Variants in MSC observed in about 807,000 individuals in gnomAD.
MSC encodes the protein musculin, also known as activated B-cell factor 1, homolog of mouse musculin.
A neutral mutation model predicts 14.4 loss-of-function variants in MSC; 16 were observed. The observed-to-expected ratio is 1.11, with a 90% CI of 0.75 to 1.69. The LOEUF (loss-of-function observed/expected upper bound fraction) is 1.69. Among genes scored for constraint, MSC ranks in the 40% most tolerant of loss-of-function variants. The pLI is 0.00. For synonymous variants in MSC, 165 were observed against 128.5 expected, an observed-to-expected ratio of 1.28 and a Z score of -1.92; for missense variants, 320 against 288.1, an observed-to-expected ratio of 1.11 and a Z score of -0.80.
At position 71,842,699 on chromosome 8, in the gene MSC, C is replaced by G. The variant is rs768380440; in HGVS notation, c.583G>C (p.Val195Leu). 3.7e-6 allele frequency: 6 copies of G among 1,614,152 alleles called. No individual in the cohort carries two copies. The highest frequency in any genetic ancestry group is 4.2e-6 in the Non-Finnish European group (5 of 1,180,026). ...CCACATAGTCTGTTGGCTGCGGAAACTTCTTTGGTGTCAGAGTCCGGTCTT... is the reference window on the plus strand; with the variant it reads ...CCACATAGTCTGTTGGCTGCGGAAAGTTCTTTGGTGTCAGAGTCCGGTCTT... ...SGRPDSDTKE[V>L]SAANRLCGTT... The change falls in exon 2 of 2, where the codon GTT (valine) becomes CTT (leucine). Residue 195 changes from valine to leucine, a missense_variant. Transcript: ENST00000325509.
At chr8:71,843,198 A>T (rs1193697653) in intron 1 of MSC, 4 of 330,450 alleles carry the variant, frequency 1.2e-5, no homozygotes, top group Non-Finnish European at 2.3e-5. Flanking sequence ...GGGAAACGTT[A>T]CTATCTTCCA....
intron 1 of MSC, chr8:71,843,003 G>C: frequency 2.4e-6 from 1 of 423,114 alleles, no homozygotes; most frequent in Non-Finnish European, 4.4e-6. Flanking sequence ...ATCTGACTTT[G>C]AGGTTCTGTC....
intron 1 of MSC, 92 bp from the exon 2 acceptor site, chr8:71,842,839 T>TG (rs1209610603): frequency 1.8e-6 from 2 of 1,089,006 alleles, no homozygotes; most frequent in African/African-American, 3.1e-5. Context: ...ATTCCTGACT[T>TG]GGAGTAGCTA....
At position 71,841,720 on chromosome 8, in the gene MSC, G is replaced by C. The variant is rs1807382703; in HGVS notation, c.*941C>G. Reference sequence around the variant, plus strand: ...CCTGCGCGCTCCTCCGCGCGGGGAAGAACCTGCGCGGCAGGACGTGGTGTT... The same window carrying C: ...CCTGCGCGCTCCTCCGCGCGGGGAACAACCTGCGCGGCAGGACGTGGTGTT... On this transcript the variant is annotated 3_prime_UTR_variant, in exon 2 of 2. Transcript: ENST00000325509. 1 of 152,376 alleles carries C rather than the reference G, an allele frequency of 6.6e-6. No individual in the cohort carries two copies. Among genetic ancestry groups the C allele is most frequent in the African/African-American group, 2.4e-5 (1 of 41,476 alleles). 9.4% of individuals were successfully genotyped at this position (152,376 alleles called of 1,614,324 possible).
In MSC at chr8:71,843,713, T is replaced by A; in HGVS notation, c.466A>T (p.Ile156Phe). 6.2e-7 allele frequency: 1 copy of A among 1,614,204 alleles called. No homozygotes were observed. The highest frequency in any genetic ancestry group is 8.5e-7 in the Non-Finnish European group (1 of 1,180,030). Residue 156 changes from isoleucine (I) to phenylalanine (F), a missense_variant, in exon 1 of 2, where the codon ATC (isoleucine) becomes TTC (phenylalanine). Ile to Phe is a conservative substitution (Grantham distance 21). Coordinates refer to ENST00000325509, the MANE Select transcript of MSC (RefSeq NM_005098.4). ...TGCAACAGCTGCCGCAGGTGAGCGA[T>A]GTAACTGGAAGCCAGCCGGAGCGTG... ...LDTLRLASSY[I>F]AHLRQLLQED... is the part of the protein sequence containing the mutation.
chr8:71,843,539 C>G (rs1270852714), intron 1 of MSC, 106 bp downstream of exon 1: 1 of 1,442,046 alleles, frequency 6.9e-7, no homozygotes, highest in East Asian at 2.3e-5. Flanking sequence ...CCCAGAACCT[C>G]CACCCCTTTC....
chr8:71,843,799 A>C lies in MSC; in HGVS notation c.380T>G (p.Phe127Cys). 1 of 1,613,766 alleles carries C rather than the reference A, an allele frequency of 6.2e-7. No homozygotes were observed. Among genetic ancestry groups the C allele is most frequent in the Non-Finnish European group, 8.5e-7 (1 of 1,179,962 alleles). Reference sequence around the variant, plus strand: ...GGGCAGGCTGGTCTTGAGCCTGGAGAAGGCTTTGCTCAGCACGCGCATCCG... The same window carrying C: ...GGGCAGGCTGGTCTTGAGCCTGGAGCAGGCTTTGCTCAGCACGCGCATCCG... ...RARMRVLSKA[F>C]SRLKTSLPWV... Residue 127 changes from phenylalanine (F) to cysteine (C), a missense_variant, in exon 1 of 2, where the codon TTC becomes TGC. By Grantham distance (205) the Phe-to-Cys change is radical. Coordinates refer to ENST00000325509, the MANE Select transcript of MSC (RefSeq NM_005098.4).
chr8:71,843,921 GCTACCACCT>G lies in MSC; in HGVS notation c.249_257del (p.Gly84_Ser86del). 2 of 1,574,130 alleles carry G rather than the reference GCTACCACCT, an allele frequency of 1.3e-6. No homozygotes were observed. Among genetic ancestry groups the G allele is most frequent in the Non-Finnish European group, 1.7e-6 (2 of 1,162,080 alleles). ...GGGGCTTCTTGCCACCACCGCCCGC[GCTACCACCT>G]GCGCCGCCGCCCCCAGCCACACGGG... On this transcript the variant is annotated inframe_deletion, in exon 1 of 2. Coordinates refer to ENST00000325509, the MANE Select transcript of MSC (RefSeq NM_005098.4).
intron 1 of MSC, chr8:71,843,061 C>G: frequency 2.8e-6 from 1 of 360,890 alleles, no homozygotes; most frequent in Non-Finnish European, 5.3e-6. Flanking sequence ...CACACACACA[C>G]ACACACACAC....
Position 71,842,263 on chromosome 8 carries a change from G to C in MSC, c.*398C>G. The C allele has an allele frequency of 4.1e-6, 1 of 246,142 alleles. No homozygotes were observed. The highest frequency in any genetic ancestry group is 8.2e-6 in the Non-Finnish European group (1 of 121,938). 15.2% of individuals were successfully genotyped at this position (246,142 alleles called of 1,614,324 possible). The stretch of plus-strand genomic sequence containing the variant: ...CCCTAACCATTGTGTCACCGCGAAA[G>C]GCCGGGGCTGTGTGGAACCGTCCCG... On this transcript the variant is annotated 3_prime_UTR_variant, in exon 2 of 2. Coordinates refer to ENST00000325509, the MANE Select transcript of MSC (RefSeq NM_005098.4).
At position 71,842,756 on chromosome 8, in the gene MSC, C is replaced by T; in HGVS notation, c.535-9G>A. The T allele has an allele frequency of 6.2e-7, 1 of 1,613,164 alleles. No individual in the cohort carries two copies. Among genetic ancestry groups the T allele is most frequent in the East Asian group, 2.2e-5 (1 of 44,864 alleles). On this transcript the variant is annotated splice_polypyrimidine_tract_variant and intron_variant, in intron 1 of 1. Transcript: ENST00000325509. ...ACCACGAATGGCCATGTCTGTAAAT[C>T]AAAAAGAACGTGAGATATTAGAGAG...
chr8:71,843,242 T>C, intron 1 of MSC: 1 of 359,922 alleles, frequency 2.8e-6, no homozygotes, highest in South Asian at 2.5e-5. Flanking sequence ...AATGCTCTTT[T>C]ATAGAGCTCG....
In MSC at chr8:71,844,007, G is replaced by C; in HGVS notation, c.172C>G (p.Arg58Gly). Reference protein sequence around the residue: ...EEEDPDGEEERCALGTAGSAE... With the variant: ...EEEDPDGEEEGCALGTAGSAE... ...CTGCCGGCTGTGCCCAGAGCGCAGC[G>C]CTCCTCCTCGCCGTCGGGGTCCTCC... Residue 58 changes from arginine (R) to glycine (G), a missense_variant, in exon 1 of 2, where the codon CGC becomes GGC. Coordinates refer to ENST00000325509, the MANE Select transcript of MSC (RefSeq NM_005098.4). The C allele has an allele frequency of 6.4e-7, 1 of 1,571,406 alleles. No individual in the cohort carries two copies. Among genetic ancestry groups the C allele is most frequent in the East Asian group, 2.4e-5 (1 of 42,504 alleles).
Position 71,842,590 on chromosome 8 carries a change from C to G in MSC, c.*71G>C, listed in dbSNP as rs1807406413. 12 of 1,415,836 alleles carry G rather than the reference C, an allele frequency of 8.5e-6. No homozygotes were observed. The Admixed American group carries it at 2.0e-4, about 24-fold the overall frequency. 87.7% of individuals were successfully genotyped at this position (1,415,836 alleles called of 1,614,324 possible). On this transcript the variant is annotated 3_prime_UTR_variant, in exon 2 of 2. Coordinates refer to ENST00000325509, the MANE Select transcript of MSC (RefSeq NM_005098.4). ...GAAACTTCTTCCCATCTCACGAGCT[C>G]TCCCTTCTCTCCGTGGCCCCCAAAC...
Position 71,843,036 on chromosome 8 carries a change from ACACACACACACACG to A in MSC, c.535-303_535-290del, listed in dbSNP as rs1315512283. 133 of 296,786 alleles carry A rather than the reference ACACACACACACACG, an allele frequency of 4.5e-4. 3 individuals are homozygous for A. The highest frequency in any genetic ancestry group is 2.3e-3 in the African/African-American group (46 of 20,050). The allele number at this position is 296,786 out of a possible 1,614,324, so 18.4% of individuals were successfully genotyped here. On this transcript the variant is annotated intron_variant, in intron 1 of 1. Coordinates refer to ENST00000325509, the MANE Select transcript of MSC (RefSeq NM_005098.4). ...GTCGTTTAGTTCCCTTCCCCAACAC[ACACACACACACACG>A]CACACACACACACACACACACACAC...
Position 71,843,034 on chromosome 8 carries a change from ACACACACACACACACG to A in MSC, c.535-303_535-288del, listed in dbSNP as rs1355473140. The A allele has an allele frequency of 3.9e-4, 105 of 270,054 alleles. 1 individual carries two copies. The highest frequency in any genetic ancestry group is 2.2e-3 in the East Asian group (26 of 11,676). 16.7% of individuals were successfully genotyped at this position (270,054 alleles called of 1,614,324 possible). A position where few individuals can be genotyped will look rare whatever the true frequency, so the allele number is the denominator to read the frequency against. On this transcript the variant is annotated intron_variant, in intron 1 of 1. Transcript: ENST00000325509. ...CTGTCGTTTAGTTCCCTTCCCCAAC[ACACACACACACACACG>A]CACACACACACACACACACACACAC...
chr8:71,843,882 G>C lies in MSC; in HGVS notation c.297C>G (p.Gly99=). ...GGGKKPLPAK[G]SAAECKQSQR... Reference sequence around the variant, plus strand: ...GCGACTGCTTGCACTCTGCGGCTGAGCCCTTGGCCGGGAGGGGCTTCTTGC... The same window carrying C: ...GCGACTGCTTGCACTCTGCGGCTGACCCCTTGGCCGGGAGGGGCTTCTTGC... The change falls in exon 1 of 2, where the codon GGC becomes GGG. Residue 99 remains glycine, a synonymous_variant. Coordinates refer to ENST00000325509, the MANE Select transcript of MSC (RefSeq NM_005098.4). 3 of 1,606,930 alleles carry C rather than the reference G, an allele frequency of 1.9e-6. No homozygotes were observed. The highest frequency in any genetic ancestry group is 2.2e-5 in the South Asian group (2 of 90,376).
Position 71,844,133 on chromosome 8 carries a change from C to T in MSC, c.46G>A (p.Gly16Arg), listed in dbSNP as rs778219496. The T allele has an allele frequency of 1.3e-6, 2 of 1,529,648 alleles. No homozygotes were observed. The highest frequency in any genetic ancestry group is 1.8e-6 in the Non-Finnish European group (2 of 1,139,410). 94.8% of individuals were successfully genotyped at this position (1,529,648 alleles called of 1,614,324 possible). Residue 16 changes from glycine (G) to arginine (R), a missense_variant, in exon 1 of 2, where the codon GGG becomes AGG. Gly to Arg is a moderately radical substitution (Grantham distance 125). Transcript: ENST00000325509. ...VSDPEEMELR[G>R]LQREYPVPAS... ...GGGACCGGGTACTCCCGCTGCAGCC[C>T]CCGAAGCTCCATCTCCTCCGGATCA...
At chr8:71,843,499 A>C in intron 1 of MSC, 146 bp downstream of exon 1, 2 of 1,004,006 alleles carry the variant, frequency 2.0e-6, no homozygotes, top group South Asian at 2.7e-5. Flanking sequence ...TTGATTTGGG[A>C]GAAACTAAAC....
Sources: gnomAD v4.1 joint callset for allele counts on GRCh38, gnomAD v4.1.1 for gene constraint, MANE v1.5 for transcripts, NCBI Gene and HGNC (gene_info 2026-07-23, HGNC 2026-07-21) for gene names.